Variants in LNPEP observed in about 807,000 individuals in gnomAD.
LNPEP encodes leucyl and cystinyl aminopeptidase.
Under a neutral mutation model 120.6 loss-of-function variants are expected in LNPEP, and 64 were observed. That is an observed-to-expected ratio of 0.53 (90% CI 0.43 to 0.65). The LOEUF is 0.65. LNPEP is among the 30% of genes least tolerant of loss of function. The pLI, the probability that LNPEP is intolerant of heterozygous loss-of-function variation, is 0.00. For synonymous variants in LNPEP, 435 were observed against 425.4 expected, an observed-to-expected ratio of 1.02 and a Z score of -0.28; for missense variants, 1,057 against 1,200.0, an observed-to-expected ratio of 0.88 and a Z score of 1.76.
At chr5:96,970,825 T>G (rs1789843263) in intron 1 of LNPEP, among the ~76,000 whole-genome samples, 1 of 152,054 alleles carries the variant, frequency 6.6e-6, no homozygotes, top group East Asian at 1.9e-4. Flanking sequence ...AACTTCTGTA[T>G]TCTCTGTGCT....
At chr5:97,016,322 G>T (rs1791069458) in intron 13 of LNPEP, among the ~76,000 whole-genome samples, 1 of 152,156 alleles carries the variant, frequency 6.6e-6, no homozygotes, top group Admixed American at 6.5e-5. Flanking sequence ...ATAAATGATT[G>T]AAACACACCA....
chr5:97,011,767 G>A (rs1790933926), intron 11 of LNPEP, among the ~76,000 whole-genome samples: 1 of 152,164 alleles, frequency 6.6e-6, no homozygotes, highest in Non-Finnish European at 1.5e-5. Context: ...TGCTGTATCA[G>A]CAATATAACA....
At position 97,028,577 on chromosome 5, in the gene LNPEP, G is replaced by A. The variant is rs753171687; in HGVS notation, c.*44G>A. On this transcript the variant is annotated 3_prime_UTR_variant, in exon 18 of 18. Coordinates refer to ENST00000231368, the MANE Select transcript of LNPEP (RefSeq NM_005575.3). Reference sequence around the variant, plus strand: ...ATTTTGTTGCCCATTCAGAGAGCTTGTAAGCTTGGGCTCTGCCGCTTTTGC... The same window carrying A: ...ATTTTGTTGCCCATTCAGAGAGCTTATAAGCTTGGGCTCTGCCGCTTTTGC... The A allele has an allele frequency of 2.5e-6, 4 of 1,605,696 alleles. No individual in the cohort carries two copies. In the Admixed American group the frequency reaches 6.8e-5, roughly 27 times the overall value.
intron 4 of LNPEP, among the ~76,000 whole-genome samples, chr5:96,991,637 G>T (rs533266119): frequency 3.3e-5 from 5 of 152,166 alleles, no homozygotes; most frequent in African/African-American, 1.2e-4. Flanking sequence ...CATGTCCTTA[G>T]CCTATTTTTT....
At chr5:96,947,540 G>C (rs1789216338) in intron 1 of LNPEP, among the ~76,000 whole-genome samples, 1 of 152,080 alleles carries the variant, frequency 6.6e-6, no homozygotes, top group Non-Finnish European at 1.5e-5. Context: ...TTAGTTCATG[G>C]AGTATTGTAT....
chr5:97,022,194 G>A, intron 13 of LNPEP, 106 bp from the exon 14 acceptor site: 2 of 698,178 alleles, frequency 2.9e-6, no homozygotes, highest in Admixed American at 5.8e-5. Flanking sequence ...TTCCCAACGT[G>A]CTGGGATTAC....
At chr5:96,957,949 C>G (rs1408765229) in intron 1 of LNPEP, among the ~76,000 whole-genome samples, 1 of 152,246 alleles carries the variant, frequency 6.6e-6, no homozygotes, top group Non-Finnish European at 1.5e-5. Flanking sequence ...AAGGGATCCT[C>G]TTTTCTGATT....
At chr5:96,981,937 T>G (rs1790135044) in intron 2 of LNPEP, among the ~76,000 whole-genome samples, 1 of 152,182 alleles carries the variant, frequency 6.6e-6, no homozygotes, top group African/African-American at 2.4e-5. Flanking sequence ...CCCTTGTTTT[T>G]TCTTTCTCAT....
rs769784440 is a variant in LNPEP at position 96,985,215 on chromosome 5, T to C, written c.996T>C (p.Pro332=). 1.2e-6 allele frequency: 2 copies of C among 1,613,456 alleles called. No homozygotes were observed. The highest frequency in any genetic ancestry group is 3.3e-5 in the Admixed American group (2 of 59,962). Residue 332 remains proline (P), a synonymous_variant, in exon 3 of 18, where the codon CCT becomes CCC. Coordinates refer to ENST00000231368, the MANE Select transcript of LNPEP (RefSeq NM_005575.3). ...AATACACCGCTTTATCAAATATGCC[T>C]AAGGTACTGTTCTGTTCCTTGAATG... ...DEQYTALSNM[P]KKSSVVLDDG...
In LNPEP at chr5:97,037,078, T is replaced by C. The variant is rs1165649946; in HGVS notation, c.*8545T>C. 1.3e-5 allele frequency: 2 copies of C among 152,174 alleles called. No individual in the cohort carries two copies. The highest frequency in any genetic ancestry group is 2.9e-5 in the Non-Finnish European group (2 of 68,030). 9.4% of individuals were successfully genotyped at this position (152,174 alleles called of 1,614,324 possible). A position where few individuals can be genotyped will look rare whatever the true frequency, so the allele number is the denominator to read the frequency against. The stretch of plus-strand genomic sequence containing the variant: ...TGAGAATTATGGCATAATTGGAGCA[T>C]TTGCATTAATCAACAAACTCACATT... On this transcript the variant is annotated 3_prime_UTR_variant, in exon 18 of 18. Coordinates refer to ENST00000231368, the MANE Select transcript of LNPEP (RefSeq NM_005575.3).
intron 1 of LNPEP, among the ~76,000 whole-genome samples, chr5:96,964,088 C>A (rs764743093): frequency 6.6e-6 from 1 of 151,782 alleles, no homozygotes; most frequent in African/African-American, 2.4e-5. Flanking sequence ...GTTCTACTCT[C>A]TGCTCTTCTA....
intron 11 of LNPEP, among the ~76,000 whole-genome samples, chr5:97,007,003 A>G (rs1220711983): frequency 6.6e-6 from 1 of 152,182 alleles, no homozygotes; most frequent in Admixed American, 6.5e-5. Flanking sequence ...GGGGCATGAA[A>G]CTATGATAGG....
At chr5:96,936,401 C>T (rs1380189084) in intron 1 of LNPEP, 2 of 407,578 alleles carry the variant, frequency 4.9e-6, no homozygotes, top group Non-Finnish European at 8.7e-6. Flanking sequence ...GCGCCGCCGC[C>T]GCTCGCCCGG....
chr5:96,981,888 G>A (rs1200235904), intron 2 of LNPEP, among the ~76,000 whole-genome samples: 1 of 152,000 alleles, frequency 6.6e-6, no homozygotes, highest in Non-Finnish European at 1.5e-5. Context: ...GCAGTTCCTC[G>A]TTTCTAACAG....
rs1468767410 is a variant in LNPEP at position 96,998,039 on chromosome 5, T to G, written c.1547T>G (p.Phe516Cys). ...SSYEDFLDAR[F>C]KTMKKDSLNS... ...TATGAAGATTTCTTAGATGCTCGAT[T>G]TAAAACCATGAAGAAAGATTCCTTA... is the stretch of plus-strand genomic sequence containing the variant. The change falls in exon 8 of 18, where the codon TTT (phenylalanine) becomes TGT (cysteine). Residue 516 changes from phenylalanine (F) to cysteine (C), a missense_variant. By Grantham distance (205) the Phe-to-Cys change is radical (BLOSUM62 -2). Coordinates refer to ENST00000231368, the MANE Select transcript of LNPEP (RefSeq NM_005575.3). The G allele has an allele frequency of 1.3e-6, 2 of 1,582,118 alleles. No individual in the cohort carries two copies. The highest frequency in any genetic ancestry group is 2.3e-5 in the East Asian group (1 of 44,294).
chr5:96,971,615 G>C (rs1009660232), intron 1 of LNPEP, among the ~76,000 whole-genome samples: 1 of 151,710 alleles, frequency 6.6e-6, no homozygotes, highest in Non-Finnish European at 1.5e-5. Context: ...CTTCAAATTG[G>C]TAATTTCTAA....
chr5:97,011,813 G>A (rs1790935309), intron 11 of LNPEP, among the ~76,000 whole-genome samples: 1 of 152,138 alleles, frequency 6.6e-6, no homozygotes, highest in Admixed American at 6.5e-5. Flanking sequence ...AAGAAAGACT[G>A]CTTAGCTTAT....
intron 14 of LNPEP, among the ~76,000 whole-genome samples, 165 bp downstream of exon 14, chr5:97,022,649 T>A (rs1218489639): frequency 1.3e-5 from 2 of 151,646 alleles, no homozygotes; most frequent in African/African-American, 4.8e-5. Flanking sequence ...TTTTTTTTTT[T>A]ATTATACTTT....
intron 1 of LNPEP, 90 bp from the exon 2 acceptor site, chr5:96,979,048 A>G (rs1258633109): frequency 3.5e-6 from 5 of 1,433,098 alleles, no homozygotes; most frequent in Non-Finnish European, 4.7e-6. Context: ...TTCTTAGTTT[A>G]AATGTGGTCT....
Sources: gnomAD v4.1 joint callset for allele counts (sites outside exome capture counted in the v4.1 genomes callset) on GRCh38, gnomAD v4.1.1 for gene constraint, MANE v1.5 for transcripts, NCBI Gene and HGNC (gene_info 2026-07-23, HGNC 2026-07-21) for gene names.